The following SLC39A9 variants were observed in gnomAD, a reference collection of about 807,000 sequenced individuals.
The protein encoded by SLC39A9 is zinc transporter ZIP9.
Under a neutral mutation model 28.4 loss-of-function variants are expected in SLC39A9, and 14 were observed. The observed-to-expected ratio is 0.49, with a 90% confidence interval of 0.33 to 0.77. The LOEUF (loss-of-function observed/expected upper bound fraction) is 0.77, where lower values mean the gene tolerates loss of function less well. Among genes scored for constraint, SLC39A9 ranks in the 30% least tolerant of loss-of-function variants. The pLI, the probability that SLC39A9 is intolerant of heterozygous loss-of-function variation, is 0.02. For missense variants in SLC39A9, 283 were observed against 381.1 expected (o/e 0.74, Z 2.14); for synonymous variants, 119 against 149.6 (o/e 0.80, Z 1.49).
chr14:69,455,834 A>T lies in SLC39A9; in HGVS notation c.661A>T (p.Met221Leu), dbSNP rs748208142. 1 of 1,614,192 alleles carries T rather than the reference A, an allele frequency of 6.2e-7. No homozygotes were observed. Among genetic ancestry groups the T allele is most frequent in the Non-Finnish European group, 8.5e-7 (1 of 1,180,018 alleles). The change falls in exon 6 of 7, where the codon ATG becomes TTG. Residue 221 changes from methionine (M) to leucine (L), a missense_variant. Transcript: ENST00000336643. ...LLVFALAAPV[M>L]SMVTYLGLSK... Reference sequence around the variant, plus strand: ...GGTCTTTGCATTGGCAGCACCAGTTATGTCCATGGTGACATACTTAGGACT... The same window carrying T: ...GGTCTTTGCATTGGCAGCACCAGTTTTGTCCATGGTGACATACTTAGGACT...
At chr14:69,434,258 A>G (rs1884637532) in intron 2 of SLC39A9, among the ~76,000 whole-genome samples, 1 of 150,834 alleles carries the variant, frequency 6.6e-6, no homozygotes, top group Non-Finnish European at 1.5e-5. Context: ...TAATTTTTGT[A>G]TTTTTAGTGG....
At chr14:69,440,172 G>C (rs2139423105) in intron 2 of SLC39A9, among the ~76,000 whole-genome samples, 1 of 152,266 alleles carries the variant, frequency 6.6e-6, no homozygotes, top group Middle Eastern at 3.4e-3. Flanking sequence ...TGTAAACCCA[G>C]CTACTCGGGA....
chr14:69,457,632 G>T (rs117180753), intron 6 of SLC39A9, among the ~76,000 whole-genome samples: 1,756 of 152,296 alleles, frequency 0.012, 14 homozygotes, highest in Non-Finnish European at 0.018. Context: ...ATAAATTTAT[G>T]TCTGAAATTT....
intron 1 of SLC39A9, among the ~76,000 whole-genome samples, chr14:69,402,033 A>G (rs762340217): frequency 2.6e-5 from 4 of 152,168 alleles, no homozygotes; most frequent in Non-Finnish European, 4.4e-5. Context: ...TAATTCCCCA[A>G]ACTCCTACAC....
At chr14:69,455,383 A>G (rs1439076993) in intron 5 of SLC39A9, among the ~76,000 whole-genome samples, 1 of 152,010 alleles carries the variant, frequency 6.6e-6, no homozygotes, top group Non-Finnish European at 1.5e-5. Context: ...CTGGAGTGCA[A>G]TGGTGTGATC....
chr14:69,461,731 G>A lies in SLC39A9; in HGVS notation c.*3138G>A, dbSNP rs903717033. 9.1e-6 allele frequency: 14 copies of A among 1,535,674 alleles called. No homozygotes were observed. The African/African-American group carries it at 1.6e-4, about 18-fold the overall frequency. ...TAAGAGGACACACCAGCATCGGAGTGTATTAAGCCCCTGAAACACATGGTA... is the reference window on the plus strand; with the variant it reads ...TAAGAGGACACACCAGCATCGGAGTATATTAAGCCCCTGAAACACATGGTA... On this transcript the variant is annotated 3_prime_UTR_variant, in exon 7 of 7. Coordinates refer to ENST00000336643, the MANE Select transcript of SLC39A9 (RefSeq NM_018375.5).
intron 3 of SLC39A9, among the ~76,000 whole-genome samples, chr14:69,447,099 T>G (rs1329650786): frequency 6.6e-6 from 1 of 152,076 alleles, no homozygotes; most frequent in Non-Finnish European, 1.5e-5. Context: ...GCATCATCAA[T>G]GAATGTTAAA....
chr14:69,451,315 A>G (rs1343026887), intron 3 of SLC39A9, among the ~76,000 whole-genome samples: 1 of 152,226 alleles, frequency 6.6e-6, no homozygotes, highest in East Asian at 1.9e-4. Flanking sequence ...TAAGAAGATT[A>G]AATCCCCTGT....
At chr14:69,444,881 A>G (rs950732371) in intron 3 of SLC39A9, among the ~76,000 whole-genome samples, 2 of 152,038 alleles carry the variant, frequency 1.3e-5, no homozygotes, top group Non-Finnish European at 2.9e-5. Flanking sequence ...AGGTAGGATG[A>G]TTACTTGAAA....
chr14:69,411,798 T>TTTTA (rs1883278247), intron 1 of SLC39A9, among the ~76,000 whole-genome samples: 2 of 151,490 alleles, frequency 1.3e-5, no homozygotes, highest in Non-Finnish European at 2.9e-5. Flanking sequence ...TTTTTTTTTT[T>TTTTA]TTGAGACGGA....
rs538001390 is a variant in SLC39A9, at chr14:69,454,786, TTA to T, written c.473-24_473-23del. ...TATTGTTGTTGTTGTTTATAGTATT[TTA>T]TGTTTCCTTGTTTCCAAATATAGCT... On this transcript the variant is annotated intron_variant, in intron 4 of 6. Coordinates refer to ENST00000336643, the MANE Select transcript of SLC39A9 (RefSeq NM_018375.5). The T allele has an allele frequency of 1.1e-4, 180 of 1,594,982 alleles. No individual in the cohort carries two copies. In the African/African-American group the frequency reaches 2.2e-3, roughly 20 times the overall value.
At position 69,459,324 on chromosome 14, in the gene SLC39A9, G is replaced by T; in HGVS notation, c.*731G>T. ...CTTCTAAAGAGGTGACTGGTATTTT[G>T]TAGCATTCCTTGTCAAGTTCTCCTT... On this transcript the variant is annotated 3_prime_UTR_variant, in exon 7 of 7. Coordinates refer to ENST00000336643, the MANE Select transcript of SLC39A9 (RefSeq NM_018375.5). The T allele has an allele frequency of 1.0e-6, 1 of 985,408 alleles. No individual in the cohort carries two copies. The highest frequency in any genetic ancestry group is 1.2e-6 in the Non-Finnish European group (1 of 829,936). The allele number at this position is 985,408 out of a possible 1,614,324, so 61.0% of individuals were successfully genotyped here.
chr14:69,449,716 C>T (rs1288368807), intron 3 of SLC39A9, among the ~76,000 whole-genome samples: 3 of 152,152 alleles, frequency 2.0e-5, no homozygotes, highest in Non-Finnish European at 4.4e-5. Context: ...TCCTACCTGA[C>T]CTTATTCATG....
In SLC39A9 at chr14:69,462,133, A is replaced by T. The variant is rs186043624; in HGVS notation, c.*3540A>T. 2.2e-3 allele frequency: 352 copies of T among 158,082 alleles called. 1 individual carries two copies. Among genetic ancestry groups the T allele is most frequent in the African/African-American group, 7.4e-3 (309 of 41,804 alleles). 9.8% of individuals were successfully genotyped at this position (158,082 alleles called of 1,614,324 possible). A position where few individuals can be genotyped will look rare whatever the true frequency, so the allele number is the denominator to read the frequency against. ...TATACTCAGCCTAACCCAGTGGCTT[A>T]ACACAAGGAGATTGGCTTTGATCTT... On this transcript the variant is annotated 3_prime_UTR_variant, in exon 7 of 7. Transcript: ENST00000336643.
intron 4 of SLC39A9, 60 bp from the exon 5 acceptor site, chr14:69,454,752 C>A (rs949310941): frequency 2.1e-6 from 3 of 1,435,458 alleles, no homozygotes; most frequent in African/African-American, 2.8e-5. Context: ...CACTCAACCA[C>A]TACACTGTTA....
At chr14:69,436,003 G>GATCTA (rs1884730142) in intron 2 of SLC39A9, among the ~76,000 whole-genome samples, 1 of 152,030 alleles carries the variant, frequency 6.6e-6, no homozygotes. Context: ...CTCATCCAGT[G>GATCTA]AATTTACTAC....
Position 69,399,468 on chromosome 14 carries a change from A to G in SLC39A9, c.96+3A>G. The G allele has an allele frequency of 6.2e-7, 1 of 1,612,350 alleles. No homozygotes were observed. The highest frequency in any genetic ancestry group is 8.5e-7 in the Non-Finnish European group (1 of 1,178,628). On this transcript the variant is annotated splice_donor_region_variant and intron_variant, in intron 1 of 6. Coordinates refer to ENST00000336643, the MANE Select transcript of SLC39A9 (RefSeq NM_018375.5). ...CCTTGGCTGTTAATTTCTCAGAGGT[A>G]AGAAATTCTCAATTTTCTGTCAGCT...
intron 3 of SLC39A9, among the ~76,000 whole-genome samples, chr14:69,446,380 G>A (rs969435088): frequency 2.0e-5 from 3 of 151,516 alleles, no homozygotes; most frequent in Non-Finnish European, 2.9e-5. Context: ...AGAAGACTCA[G>A]GGCTGATTCC....
chr14:69,446,333 G>A (rs1885300715), intron 3 of SLC39A9, among the ~76,000 whole-genome samples: 1 of 151,138 alleles, frequency 6.6e-6, no homozygotes, highest in Admixed American at 6.6e-5. Flanking sequence ...TAGAAATAAA[G>A]ACATCCCACT....
Sources: gnomAD v4.1 joint callset for allele counts (sites outside exome capture counted in the v4.1 genomes callset) on GRCh38, gnomAD v4.1.1 for gene constraint, MANE v1.5 for transcripts, NCBI Gene and HGNC (gene_info 2026-07-23, HGNC 2026-07-21) for gene names.